SRSF7: variants seen among roughly 807,000 people sequenced by gnomAD.
SRSF7 encodes serine/arginine-rich splicing factor 7.
Under a neutral mutation model 42.2 loss-of-function variants are expected in SRSF7, and 15 were observed. That is an observed-to-expected ratio of 0.36 (90% CI 0.24 to 0.55). SRSF7 has a LOEUF of 0.55. Ranked by LOEUF, SRSF7 falls within the 20% of genes least tolerant of loss-of-function variation. The pLI, the probability that SRSF7 is intolerant of heterozygous loss-of-function variation, is 0.88. For missense variants in SRSF7, 181 were observed against 305.9 expected, an observed-to-expected ratio of 0.59 and a Z score of 3.04; for synonymous variants, 138 against 107.9, an observed-to-expected ratio of 1.28 and a Z score of -1.73.
chr2:38,751,115 A>T (rs1668284499), intron 1 of SRSF7, 114 bp downstream of exon 1: 26 of 1,430,152 alleles, frequency 1.8e-5, no homozygotes, highest in Non-Finnish European at 2.6e-5. Flanking sequence ...GCGTGCTCCT[A>T]AGCCGCCATT....
Position 38,744,472 on chromosome 2 carries a change from G to C in SRSF7, c.*661C>G. On this transcript the variant is annotated 3_prime_UTR_variant, in exon 8 of 8. Transcript: ENST00000313117. ...TATGCCACCTAGTAGCCTGAAAGCT[G>C]CAATTAGTATAAAGATCATCCAGAA... 1.4e-5 allele frequency: 2 copies of C among 141,480 alleles called. No homozygotes were observed. Among genetic ancestry groups the C allele is most frequent in the African/African-American group, 5.4e-5 (2 of 37,052 alleles). The allele number at this position is 141,480 out of a possible 1,614,324, so 8.8% of individuals were successfully genotyped here. A position where few individuals can be genotyped will look rare whatever the true frequency, so the allele number is the denominator to read the frequency against.
In SRSF7 at chr2:38,750,244, A is replaced by C. The variant is rs777951557; in HGVS notation, c.29-50T>G. 7.8e-6 allele frequency: 12 copies of C among 1,539,266 alleles called. No individual in the cohort carries two copies. The South Asian group carries it at 1.5e-4, about 19-fold the overall frequency. On this transcript the variant is annotated intron_variant, in intron 1 of 7. Transcript: ENST00000313117. ...ATGCACGTTACGCAAAATCTGGCCC[A>C]AGTTTCAATTACTTATTTGCCTTAA...
chr2:38,748,796 G>A, intron 3 of SRSF7, 143 bp from the exon 4 acceptor site: 3 of 1,174,848 alleles, frequency 2.6e-6, no homozygotes, highest in Non-Finnish European at 1.2e-6. Flanking sequence ...ATTAGTTGTT[G>A]AGTATTTTTT....
chr2:38,744,308 G>C lies in SRSF7; in HGVS notation c.*825C>G. The C allele has an allele frequency of 6.6e-6, 1 of 152,582 alleles. No homozygotes were observed. The highest frequency in any genetic ancestry group is 6.6e-5 in the Admixed American group (1 of 15,258). 9.5% of individuals were successfully genotyped at this position (152,582 alleles called of 1,614,324 possible). A position where few individuals can be genotyped will look rare whatever the true frequency, so the allele number is the denominator to read the frequency against. On this transcript the variant is annotated 3_prime_UTR_variant, in exon 8 of 8. Transcript: ENST00000313117. Reference sequence around the variant, plus strand: ...AAAATTTTGCAAAGCTGGTTTACATGAAGGTGTTTTGTCCCAATTTCAGAC... The same window carrying C: ...AAAATTTTGCAAAGCTGGTTTACATCAAGGTGTTTTGTCCCAATTTCAGAC...
At chr2:38,749,766 AAAAAGAACTC>A (rs1668003249) in intron 2 of SRSF7, 61 bp from the exon 3 acceptor site, 2 of 1,448,388 alleles carry the variant, frequency 1.4e-6, no homozygotes, top group South Asian at 3.0e-5. Context: ...TTATAGATTT[AAAAAGAACTC>A]TTTCCAACCA....
chr2:38,749,723 A>T lies in SRSF7; in HGVS notation c.210-18T>A, dbSNP rs761083635. 16 of 1,521,956 alleles carry T rather than the reference A, an allele frequency of 1.1e-5. No homozygotes were observed. The highest frequency in any genetic ancestry group is 1.3e-5 in the South Asian group (1 of 75,840). The allele number at this position is 1,521,956 out of a possible 1,614,324, so 94.3% of individuals were successfully genotyped here. A position where few individuals can be genotyped will look rare whatever the true frequency, so the allele number is the denominator to read the frequency against. ...AAATCACCCTAATAAAAGCAAATTA[A>T]CAAAATTCTAAAGTTAAAAATATAT... is the stretch of plus-strand genomic sequence containing the variant. On this transcript the variant is annotated intron_variant, in intron 2 of 7. Coordinates refer to ENST00000313117, the MANE Select transcript of SRSF7 (RefSeq NM_001031684.3).
At chr2:38,751,375 G>C, upstream of SRSF7, 2 of 1,417,856 alleles carry the variant, frequency 1.4e-6, no homozygotes. Context: ...GAAGAGCCCG[G>C]GTTCGCGTTT....
chr2:38,748,946 T>C, intron 3 of SRSF7: 1 of 1,319,542 alleles, frequency 7.6e-7, no homozygotes, highest in Non-Finnish European at 9.8e-7. Flanking sequence ...CTAGTAGATC[T>C]AGACGATCTA....
chr2:38,745,383 T>G (rs2148475371), intron 7 of SRSF7, among the ~76,000 whole-genome samples, 196 bp from the exon 8 acceptor site: 1 of 152,346 alleles, frequency 6.6e-6, no homozygotes, highest in South Asian at 2.1e-4. Flanking sequence ...CCAGGCACGG[T>G]GGCTCACGCC....
chr2:38,749,745 A>G, intron 2 of SRSF7, 40 bp from the exon 3 acceptor site: 1 of 1,495,746 alleles, frequency 6.7e-7, no homozygotes. Flanking sequence ...AGTTAAAAAT[A>G]TATTCAGGAC....
In SRSF7 at chr2:38,749,956, T is replaced by G. The variant is rs535181302; in HGVS notation, c.209+58A>C. ...TTCAGAATCCAAATTTAGCACTAAG[T>G]TCATTATCTAGCCACAGTATATTTT... is the stretch of plus-strand genomic sequence containing the variant. On this transcript the variant is annotated intron_variant, in intron 2 of 7. Coordinates refer to ENST00000313117, the MANE Select transcript of SRSF7 (RefSeq NM_001031684.3). 8.4e-4 allele frequency: 1,279 copies of G among 1,528,152 alleles called. 9 individuals carry two copies. The highest frequency in any genetic ancestry group is 4.3e-3 in the Middle Eastern group (24 of 5,644). The allele number at this position is 1,528,152 out of a possible 1,614,324, so 94.7% of individuals were successfully genotyped here.
In SRSF7 at chr2:38,749,627, G is replaced by A; in HGVS notation, c.288C>T (p.Ala96=). The change falls in exon 3 of 8, where the codon GCC becomes GCT. Residue 96 remains alanine (A), a synonymous_variant. Transcript: ENST00000313117. ...TATCATTTGGATCAAAGGGACGTCG[G>A]GCAGGTGGTCTATCAAAACGTGATC... ...PRRSRFDRPP[A]RRPFDPNDRC... 2.5e-6 allele frequency: 4 copies of A among 1,608,082 alleles called. No homozygotes were observed. The highest frequency in any genetic ancestry group is 4.5e-5 in the East Asian group (2 of 44,828).
upstream of SRSF7, chr2:38,751,491 G>A: frequency 1.8e-6 from 1 of 569,870 alleles, no homozygotes; most frequent in South Asian, 2.0e-5. Context: ...GAACTGAAGA[G>A]ACTAACACGC....
intron 7 of SRSF7, 103 bp downstream of exon 7, chr2:38,746,041 A>G: frequency 8.4e-7 from 1 of 1,189,966 alleles, no homozygotes; most frequent in South Asian, 1.2e-5. Context: ...TCTATATAGC[A>G]CCAATTCTCC....
chr2:38,746,691 T>C lies in SRSF7; in HGVS notation c.626+3A>G. 6.2e-7 allele frequency: 1 copy of C among 1,613,592 alleles called. No individual in the cohort carries two copies. ...GAAAAGCATAATCAAATTTTTACCC[T>C]ACCTGCTTCTTGGTCGTGAAATAGA... On this transcript the variant is annotated splice_donor_region_variant and intron_variant, in intron 6 of 7. Transcript: ENST00000313117.
intron 2 of SRSF7, 128 bp downstream of exon 2, chr2:38,749,886 T>G: frequency 7.8e-7 from 1 of 1,288,184 alleles, no homozygotes; most frequent in East Asian, 2.4e-5. Context: ...TCGTGTGCCT[T>G]TAGCATTTAA....
At chr2:38,751,025 G>C (rs986636510) in intron 1 of SRSF7, 2 of 619,544 alleles carry the variant, frequency 3.2e-6, no homozygotes, top group Non-Finnish European at 2.9e-6. Flanking sequence ...ATGCCCAAGA[G>C]TACGGAACTC....
chr2:38,748,267 G>A (rs937218765), intron 4 of SRSF7, 110 bp from the exon 5 acceptor site: 171 of 811,774 alleles, frequency 2.1e-4, no homozygotes, highest in Non-Finnish European at 2.8e-4. Flanking sequence ...CCAGCACTGC[G>A]GGAGGATCGT....
Position 38,748,579 on chromosome 2 carries a change from C to T in SRSF7, c.461G>A (p.Arg154Lys). 6.2e-7 allele frequency: 1 copy of T among 1,613,916 alleles called. No individual in the cohort carries two copies. The highest frequency in any genetic ancestry group is 8.5e-7 in the Non-Finnish European group (1 of 1,179,840). Residue 154 changes from arginine to lysine, a missense_variant and splice_region_variant, in exon 4 of 8, where the codon AGG becomes AAG. By Grantham distance (26) the Arg-to-Lys change is conservative. Transcript: ENST00000313117. ...AGACTTCAGTTAAACAAGATCTCAC[C>T]TTCGTCCCCTGCTCCTGCTGCGTGA... ...SRSRSRSRGR[R>K]SRSASPRRSR...
Sources: allele counts gnomAD v4.1 joint callset (sites outside exome capture counted in the v4.1 genomes callset), GRCh38; gene constraint gnomAD v4.1.1; transcripts MANE v1.5; gene names NCBI Gene and HGNC (gene_info 2026-07-23, HGNC 2026-07-21).